Variants in SLC47A1 observed in about 807,000 individuals in gnomAD.
SLC47A1 encodes solute carrier family 47 member 1, also known as multidrug and toxin extrusion protein 1.
SLC47A1 carries 58 observed loss-of-function variants against 65.8 expected under a neutral mutation model. That is an observed-to-expected ratio of 0.88 (90% CI 0.71 to 1.10). The LOEUF (loss-of-function observed/expected upper bound fraction) is 1.10. Ranked by LOEUF, SLC47A1 falls within the 50% of genes least tolerant of loss-of-function variation. The pLI, the probability that SLC47A1 is intolerant of heterozygous loss-of-function variation, is 0.00. For missense variants in SLC47A1, 706 were observed against 719.2 expected, an observed-to-expected ratio of 0.98 and a Z score of 0.21; for synonymous variants, 285 against 295.0, an observed-to-expected ratio of 0.97 and a Z score of 0.35.
At position 19,572,086 on chromosome 17, in the gene SLC47A1, C is replaced by T. The variant is rs555368103; in HGVS notation, c.1404+514C>T. Among the ~76,000 whole-genome samples the T allele has an allele frequency of 2.2e-4, 34 of 152,176 alleles. No homozygotes were observed. The South Asian group carries it at 5.6e-3, about 25-fold the overall frequency. ...GGAGGATCGCTTGAGCCCTAGAGTT[C>T]GAGGCTGCAGTCATCTGTGATCACT... is the stretch of plus-strand genomic sequence containing the variant. On this transcript the variant is annotated intron_variant, in intron 15 of 16. Coordinates refer to ENST00000270570, the MANE Select transcript of SLC47A1 (RefSeq NM_018242.3).
At chr17:19,566,940 A>C in intron 13 of SLC47A1, 81 bp downstream of exon 13, 1 of 1,589,440 alleles carries the variant, frequency 6.3e-7, no homozygotes. Context: ...AGGGGCCAGC[A>C]TAGGTAGGAA....
At chr17:19,569,972 G>A (rs938378621) in intron 14 of SLC47A1, among the ~76,000 whole-genome samples, 4 of 152,136 alleles carry the variant, frequency 2.6e-5, no homozygotes, top group African/African-American at 9.7e-5. Context: ...GCTAGGCTGG[G>A]CGTAGTGACT....
intron 12 of SLC47A1, among the ~76,000 whole-genome samples, chr17:19,561,313 A>G (rs1272453568): frequency 6.6e-6 from 1 of 151,808 alleles, no homozygotes; most frequent in Admixed American, 6.6e-5. Context: ...GAGGCCACCT[A>G]TGGTTGTTGC....
At chr17:19,541,596 G>A (rs1014131668) in intron 1 of SLC47A1, among the ~76,000 whole-genome samples, 17 of 152,132 alleles carry the variant, frequency 1.1e-4, no homozygotes, top group African/African-American at 3.9e-4. Context: ...GGCCTGTAAT[G>A]TTTCACCCTG....
chr17:19,553,336 C>T (rs772131391), intron 6 of SLC47A1, among the ~76,000 whole-genome samples: 11 of 152,072 alleles, frequency 7.2e-5, no homozygotes, highest in South Asian at 2.1e-4. Context: ...CGTTCTCCCA[C>T]GAGCCTGCTC....
chr17:19,555,972 C>A, intron 9 of SLC47A1, 23 bp from the exon 10 acceptor site: 1 of 1,614,130 alleles, frequency 6.2e-7, no homozygotes. Context: ...GGGTGCAAGG[C>A]GACAGCTGTC....
At chr17:19,547,143 C>G (rs1405413101) in intron 3 of SLC47A1, 1 of 152,474 alleles carries the variant, frequency 6.6e-6, no homozygotes, top group African/African-American at 2.4e-5. Context: ...CCTCGAACTC[C>G]TGAGCTCCAG....
At chr17:19,573,856 A>C (rs1597514431) in intron 16 of SLC47A1, among the ~76,000 whole-genome samples, 1 of 150,316 alleles carries the variant, frequency 6.7e-6, no homozygotes, top group South Asian at 2.1e-4. Flanking sequence ...TTTCTGGAGC[A>C]CCCAGCCAAA....
chr17:19,571,429 C>A (rs1448184813), intron 14 of SLC47A1, 49 bp from the exon 15 acceptor site: 1 of 1,513,618 alleles, frequency 6.6e-7, no homozygotes, highest in African/African-American at 1.4e-5. Flanking sequence ...TCCCCAGGGG[C>A]AGCTGGTTTT....
intron 12 of SLC47A1, 69 bp from the exon 13 acceptor site, chr17:19,566,721 A>G (rs1006743983): frequency 4.7e-6 from 7 of 1,473,782 alleles, no homozygotes; most frequent in African/African-American, 1.4e-5. Flanking sequence ...CACTGCGCCT[A>G]GCCAGAAAGC....
intron 6 of SLC47A1, 59 bp downstream of exon 6, chr17:19,551,527 A>G: frequency 6.7e-7 from 1 of 1,491,350 alleles, no homozygotes; most frequent in African/African-American, 1.4e-5. Context: ...CTTTCTGGGA[A>G]TGGGGGCCCT....
intron 5 of SLC47A1, among the ~76,000 whole-genome samples, chr17:19,550,458 G>T (rs1916415515): frequency 6.6e-6 from 1 of 152,130 alleles, no homozygotes; most frequent in Non-Finnish European, 1.5e-5. Context: ...CGATACTACA[G>T]GTGCACACCA....
chr17:19,558,842 G>T (rs1230090242), intron 10 of SLC47A1, among the ~76,000 whole-genome samples: 1 of 152,004 alleles, frequency 6.6e-6, no homozygotes, highest in Non-Finnish European at 1.5e-5. Flanking sequence ...TTTGTCAGGC[G>T]ATCTCTGTTT....
chr17:19,577,848 A>AT lies in SLC47A1; in HGVS notation c.*302dup. ...GGCCAATGGCTTTGATACTTCTGCT[A>AT]TTTTTTTAGACACAAACCCATAAAC... is the stretch of plus-strand genomic sequence containing the variant. On this transcript the variant is annotated 3_prime_UTR_variant, in exon 17 of 17. Coordinates refer to ENST00000270570, the MANE Select transcript of SLC47A1 (RefSeq NM_018242.3). The AT allele has an allele frequency of 5.5e-6, 7 of 1,272,574 alleles. No individual in the cohort carries two copies. Among genetic ancestry groups the AT allele is most frequent in the Non-Finnish European group, 7.0e-6 (7 of 998,898 alleles). 78.8% of individuals were successfully genotyped at this position (1,272,574 alleles called of 1,614,324 possible).
At chr17:19,553,545 CTTTTTTT>C (rs144325967) in intron 6 of SLC47A1, among the ~76,000 whole-genome samples, 5 of 133,614 alleles carry the variant, frequency 3.7e-5, no homozygotes, top group African/African-American at 1.1e-4. Context: ...TTCTTTCTTC[CTTTTTTT>C]TTTTTTTTTT....
At chr17:19,552,338 C>T (rs778286742) in intron 6 of SLC47A1, among the ~76,000 whole-genome samples, 81 of 152,164 alleles carry the variant, frequency 5.3e-4, no homozygotes, top group Admixed American at 8.5e-4. Flanking sequence ...CCACTGCATC[C>T]GGCCAGGATA....
chr17:19,562,592 C>G (rs2084321909), intron 12 of SLC47A1, among the ~76,000 whole-genome samples: 1 of 151,984 alleles, frequency 6.6e-6, no homozygotes, highest in African/African-American at 2.4e-5. Flanking sequence ...TTATAACTCC[C>G]TCACTCAGAA....
Position 19,555,894 on chromosome 17 carries a change from G to A in SLC47A1, c.838G>A (p.Gly280Arg), listed in dbSNP as rs754707583. The A allele has an allele frequency of 1.6e-5, 26 of 1,613,894 alleles. No homozygotes were observed. Among genetic ancestry groups the A allele is most frequent in the Middle Eastern group, 3.3e-4 (2 of 6,084 alleles). ...LCMEWWAYEV[G>R]SFLSGILGMV... ...CATGGAGTGGTGGGCCTATGAGGTC[G>A]GGAGCTTCCTCAGTGGTCTGTATGA... Residue 280 changes from glycine to arginine, a missense_variant, in exon 9 of 17, where the codon GGG (glycine) becomes AGG (arginine). Coordinates refer to ENST00000270570, the MANE Select transcript of SLC47A1 (RefSeq NM_018242.3).
intron 16 of SLC47A1, among the ~76,000 whole-genome samples, chr17:19,573,772 C>T (rs1368062771): frequency 6.6e-6 from 1 of 152,080 alleles, no homozygotes; most frequent in Non-Finnish European, 1.5e-5. Flanking sequence ...TATTTATCTT[C>T]AGAGAGGATT....
Sources: allele counts gnomAD v4.1 joint callset (sites outside exome capture counted in the v4.1 genomes callset), GRCh38; gene constraint gnomAD v4.1.1; transcripts MANE v1.5; gene names NCBI Gene and HGNC (gene_info 2026-07-23, HGNC 2026-07-21).